SPTLC3: variants seen among roughly 807,000 people sequenced by gnomAD.
SPTLC3 encodes serine palmitoyltransferase long chain base subunit 3.
In SPTLC3, 36 loss-of-function variants were observed where a neutral mutation model predicts 59.3. That is an observed-to-expected ratio of 0.61 (90% confidence interval 0.47 to 0.80). The LOEUF is 0.80. SPTLC3 is among the 30% of genes least tolerant of loss of function. The probability of loss-of-function intolerance (pLI) is 0.00; values close to 1 mark genes in which losing one functional copy is unlikely to be tolerated. For missense variants in SPTLC3, 625 were observed against 685.1 expected (o/e 0.91, Z 0.98); for synonymous variants, 257 against 240.8 (o/e 1.07, Z -0.62).
intron 9 of SPTLC3, among the ~76,000 whole-genome samples, chr20:13,153,177 C>G (rs2038689068): frequency 6.6e-6 from 1 of 152,200 alleles, no homozygotes; most frequent in Non-Finnish European, 1.5e-5. Flanking sequence ...GGCTTACTTA[C>G]CCACCTGTTT....
At chr20:13,123,117 G>T (rs996051705) in intron 8 of SPTLC3, among the ~76,000 whole-genome samples, 1 of 152,122 alleles carries the variant, frequency 6.6e-6, no homozygotes, top group African/African-American at 2.4e-5. Flanking sequence ...GATTACCAGA[G>T]GTCAGGAGTT....
intron 6 of SPTLC3, among the ~76,000 whole-genome samples, chr20:13,095,375 C>T (rs1239015276): frequency 1.3e-5 from 2 of 152,130 alleles, no homozygotes; most frequent in African/African-American, 2.4e-5. Context: ...CATTCTACTG[C>T]GTCAGTGCTC....
At chr20:13,100,440 G>C (rs1279613461) in intron 6 of SPTLC3, among the ~76,000 whole-genome samples, 2 of 152,088 alleles carry the variant, frequency 1.3e-5, no homozygotes, top group Admixed American at 6.6e-5. Context: ...TTCAAAACTG[G>C]GTACTAGAGC....
rs5840545 is a variant in SPTLC3 at position 13,034,196 on chromosome 20, G to GA, written c.118-14739dup. ...TAGGTAGATGTCATGAAAGATAAAA[G>GA]AAAAAAAAAATGTATTTGATATATG... On this transcript the variant is annotated intron_variant, in intron 1 of 11. Transcript: ENST00000399002. 6.6e-3 allele frequency among the ~76,000 whole-genome samples: 990 copies of GA among 150,458 alleles called. 6 individuals carry two copies. Among genetic ancestry groups the GA allele is most frequent in the African/African-American group, 0.022 (916 of 41,086 alleles).
chr20:13,098,111 T>A (rs928191951), intron 6 of SPTLC3, among the ~76,000 whole-genome samples: 9 of 152,216 alleles, frequency 5.9e-5, no homozygotes, highest in Admixed American at 2.0e-4. Context: ...CAACAGAGAC[T>A]GTATGTGGTC....
chr20:13,031,158 T>A (rs1441730439), intron 1 of SPTLC3, among the ~76,000 whole-genome samples: 2 of 152,128 alleles, frequency 1.3e-5, no homozygotes, highest in African/African-American at 4.8e-5. Context: ...CTGCGGGCCA[T>A]AATTTGCCAA....
At chr20:13,131,179 G>A (rs1368233653) in intron 9 of SPTLC3, among the ~76,000 whole-genome samples, 3 of 152,086 alleles carry the variant, frequency 2.0e-5, no homozygotes, top group Non-Finnish European at 2.9e-5. Flanking sequence ...TTAAATCTTC[G>A]ATGTATATTT....
chr20:13,074,063 C>A, intron 3 of SPTLC3: 1 of 649,276 alleles, frequency 1.5e-6, no homozygotes. Context: ...TGGAGGCCTG[C>A]TGTGGGCTGG....
At chr20:13,115,652 C>T (rs964729893) in intron 7 of SPTLC3, among the ~76,000 whole-genome samples, 10 of 152,134 alleles carry the variant, frequency 6.6e-5, no homozygotes, top group Admixed American at 2.0e-4. Context: ...ACCCACATGC[C>T]TCGCTCCTAT....
rs1031595431 is a variant in SPTLC3, at chr20:13,083,227, T to C, written c.608-7856T>C. On this transcript the variant is annotated intron_variant, in intron 4 of 11. Transcript: ENST00000399002. ...TTATCCAGACTTTCCCTATTTTTCATCTACCTATTTTATGTTTCTATTATC... is the reference window on the plus strand; with the variant it reads ...TTATCCAGACTTTCCCTATTTTTCACCTACCTATTTTATGTTTCTATTATC... Among the ~76,000 whole-genome samples the C allele has an allele frequency of 7.2e-5, 11 of 152,272 alleles. 1 individual carries two copies. The highest frequency in any genetic ancestry group is 7.2e-4 in the Admixed American group (11 of 15,296).
At chr20:13,134,802 G>T (rs2038205621) in intron 9 of SPTLC3, among the ~76,000 whole-genome samples, 1 of 152,128 alleles carries the variant, frequency 6.6e-6, no homozygotes. Context: ...GCAGGCAGAA[G>T]AATAAGAAAA....
At chr20:13,114,554 G>A (rs1990428494) in intron 7 of SPTLC3, among the ~76,000 whole-genome samples, 2 of 152,164 alleles carry the variant, frequency 1.3e-5, no homozygotes, top group Non-Finnish European at 2.9e-5. Flanking sequence ...TGTAGCCTCA[G>A]AATACCATTT....
At chr20:13,101,989 G>C (rs955322339) in intron 6 of SPTLC3, among the ~76,000 whole-genome samples, 11 of 152,092 alleles carry the variant, frequency 7.2e-5, no homozygotes, top group African/African-American at 2.7e-4. Context: ...CAGAGGTCCA[G>C]GCAGGTCAAG....
At chr20:13,083,366 T>C (rs755289707) in intron 4 of SPTLC3, among the ~76,000 whole-genome samples, 6 of 152,158 alleles carry the variant, frequency 3.9e-5, no homozygotes, top group Admixed American at 6.5e-5. Context: ...ACTCTCCTAA[T>C]GAAGAGCTAG....
chr20:13,161,136 G>T (rs541073390), intron 11 of SPTLC3, among the ~76,000 whole-genome samples: 4 of 152,326 alleles, frequency 2.6e-5, no homozygotes, highest in African/African-American at 9.6e-5. Context: ...GAATGGAACT[G>T]CCATGACTTG....
intron 9 of SPTLC3, among the ~76,000 whole-genome samples, chr20:13,147,224 T>C (rs2038534559): frequency 6.6e-6 from 1 of 152,184 alleles, no homozygotes; most frequent in Non-Finnish European, 1.5e-5. Context: ...GCTGTAGCCC[T>C]GGAATCCCGA....
chr20:13,132,934 C>T (rs1402830211), intron 9 of SPTLC3: 2 of 153,688 alleles, frequency 1.3e-5, no homozygotes, highest in Non-Finnish European at 2.9e-5. Flanking sequence ...TGCAGCCTGT[C>T]CCCCGCCTGT....
intron 1 of SPTLC3, among the ~76,000 whole-genome samples, chr20:13,028,234 A>G (rs1393982999): frequency 6.6e-6 from 1 of 152,220 alleles, no homozygotes; most frequent in Non-Finnish European, 1.5e-5. Flanking sequence ...GAACCATGTT[A>G]TATGATTTTT....
chr20:13,069,589 G>T (rs575972532), intron 2 of SPTLC3, among the ~76,000 whole-genome samples: 1 of 152,058 alleles, frequency 6.6e-6, no homozygotes, highest in Non-Finnish European at 1.5e-5. Context: ...GGTGGAGCTC[G>T]GAGCCCAGGT....
Sources: gnomAD v4.1 joint callset for allele counts (sites outside exome capture counted in the v4.1 genomes callset) on GRCh38, gnomAD v4.1.1 for gene constraint, MANE v1.5 for transcripts, NCBI Gene and HGNC (gene_info 2026-07-23, HGNC 2026-07-21) for gene names.